RNF111: variants seen among roughly 807,000 people sequenced by gnomAD.
RNF111 encodes the protein E3 ubiquitin-protein ligase Arkadia.
A neutral mutation model predicts 95.1 loss-of-function variants in RNF111; 17 were observed. The ratio of observed to expected loss-of-function variants is 0.18; its 90% CI spans 0.12 to 0.27. RNF111 has a LOEUF of 0.27. RNF111 is among the 10% of genes least tolerant of loss of function. The pLI, the probability that RNF111 is intolerant of heterozygous loss-of-function variation, is 1.00. For synonymous variants in RNF111, 440 were observed against 414.8 expected, an observed-to-expected ratio of 1.06 and a Z score of -0.74; for missense variants, 1,189 against 1,210.4, an observed-to-expected ratio of 0.98 and a Z score of 0.26.
At chr15:59,085,608 G>T (rs371626097) in intron 9 of RNF111, 51 bp from the exon 10 acceptor site, 22 of 1,526,220 alleles carry the variant, frequency 1.4e-5, no homozygotes, top group African/African-American at 7.0e-5. Flanking sequence ...CATGTCTGTT[G>T]ATAAAAAAGA....
chr15:58,995,575 A>G (rs1046730247), intron 1 of RNF111, among the ~76,000 whole-genome samples: 1 of 151,374 alleles, frequency 6.6e-6, no homozygotes, highest in African/African-American at 2.4e-5. Flanking sequence ...TCTCTGCCTC[A>G]GCCTCCCAAA....
At chr15:59,040,694 G>A (rs1415130298) in intron 2 of RNF111, among the ~76,000 whole-genome samples, 1 of 151,958 alleles carries the variant, frequency 6.6e-6, no homozygotes, top group African/African-American at 2.4e-5. Context: ...ACTTTTAATG[G>A]CAAAACCACC....
chr15:59,064,924 C>G (rs1470186403), intron 5 of RNF111, among the ~76,000 whole-genome samples: 1 of 151,974 alleles, frequency 6.6e-6, no homozygotes, highest in Non-Finnish European at 1.5e-5. Flanking sequence ...TGAAGCACCC[C>G]CCTACCCAGG....
rs1264894085 is a variant in RNF111, at chr15:59,089,524, G to T, written c.2551-143G>T. 5 of 644,044 alleles carry T rather than the reference G, an allele frequency of 7.8e-6. No homozygotes were observed. In the East Asian group the frequency reaches 1.3e-4, roughly 17 times the overall value. 39.9% of individuals were successfully genotyped at this position (644,044 alleles called of 1,614,324 possible). On this transcript the variant is annotated intron_variant, in intron 10 of 13. Coordinates refer to ENST00000348370, the MANE Select transcript of RNF111 (RefSeq NM_017610.8). The stretch of plus-strand genomic sequence containing the variant: ...ACCTAAACCTGTTACAGAATGCTTA[G>T]TTGGAGTTATGTATTCTTATTGAAG...
chr15:59,055,791 C>A lies in RNF111; in HGVS notation c.1117C>A (p.Gln373Lys), dbSNP rs1020200905. The change falls in exon 4 of 14, where the codon CAG (glutamine) becomes AAG (lysine). Residue 373 changes from glutamine (Q) to lysine (K), a missense_variant. Coordinates refer to ENST00000348370, the MANE Select transcript of RNF111 (RefSeq NM_017610.8). Reference sequence around the variant, plus strand: ...CCGCAGTAGGATTTCTACTGTTATACAGCCCTTGAGGCAGAATGCAGCAGA... The same window carrying A: ...CCGCAGTAGGATTTCTACTGTTATAAAGCCCTTGAGGCAGAATGCAGCAGA... The part of the protein sequence containing the change: ...RNRSRISTVI[Q>K]PLRQNAAEVV... 1 of 1,614,014 alleles carries A rather than the reference C, an allele frequency of 6.2e-7. No homozygotes were observed. Among genetic ancestry groups the A allele is most frequent in the East Asian group, 2.2e-5 (1 of 44,862 alleles).
chr15:59,075,443 A>C (rs2043124395), intron 6 of RNF111, among the ~76,000 whole-genome samples: 1 of 152,312 alleles, frequency 6.6e-6, no homozygotes, highest in East Asian at 1.9e-4. Context: ...ATTTTGAATA[A>C]TGTAGATTTG....
At chr15:59,071,062 C>G (rs975817385) in intron 6 of RNF111, among the ~76,000 whole-genome samples, 30 of 152,236 alleles carry the variant, frequency 2.0e-4, no homozygotes, top group Admixed American at 1.6e-3. Context: ...CTTTGGGAGG[C>G]TGAGGCAGGC....
intron 1 of RNF111, among the ~76,000 whole-genome samples, chr15:59,015,939 C>T (rs1026414694): frequency 3.8e-4 from 58 of 152,018 alleles, no homozygotes; most frequent in African/African-American, 1.4e-3. Flanking sequence ...GCAACCTCTG[C>T]CCCTGGGCTC....
At chr15:59,092,666 T>G in intron 13 of RNF111, 26 bp downstream of exon 13, 1 of 1,583,254 alleles carries the variant, frequency 6.3e-7, no homozygotes, top group Non-Finnish European at 8.6e-7. Flanking sequence ...TTATCTAAAA[T>G]CCATTGTCAA....
At chr15:59,070,029 C>CCCCTTTT (rs2042842652) in intron 6 of RNF111, among the ~76,000 whole-genome samples, 5 of 22,676 alleles carry the variant, frequency 2.2e-4, no homozygotes, top group African/African-American at 7.0e-4. Flanking sequence ...CCACCTCCTG[C>CCCCTTTT]TTTTTTTTTT....
chr15:59,060,233 A>C (rs1332791901), intron 5 of RNF111, among the ~76,000 whole-genome samples: 1 of 151,980 alleles, frequency 6.6e-6, no homozygotes, highest in Admixed American at 6.6e-5. Context: ...CTTTTATTTC[A>C]TTTGTTGAGT....
At chr15:59,004,593 G>A (rs1262022148) in intron 1 of RNF111, among the ~76,000 whole-genome samples, 2 of 152,098 alleles carry the variant, frequency 1.3e-5, no homozygotes, top group African/African-American at 4.8e-5. Context: ...TTCTAGAGTT[G>A]TTTAATATCT....
intron 2 of RNF111, among the ~76,000 whole-genome samples, chr15:59,046,810 C>T (rs1320012473): frequency 6.6e-6 from 1 of 152,072 alleles, no homozygotes; most frequent in Admixed American, 6.6e-5. Flanking sequence ...AAAATATTTG[C>T]AAATAGTATA....
At chr15:59,069,189 G>A (rs1052669983) in intron 6 of RNF111, among the ~76,000 whole-genome samples, 2 of 151,968 alleles carry the variant, frequency 1.3e-5, no homozygotes, top group African/African-American at 2.4e-5. Context: ...ATGTCATTTC[G>A]GTTTTGGTAA....
In RNF111 at chr15:59,081,247, A is replaced by G. The variant is rs376586350; in HGVS notation, c.2260A>G (p.Met754Val). 73 of 1,614,044 alleles carry G rather than the reference A, an allele frequency of 4.5e-5. 1 individual carries two copies. The highest frequency in any genetic ancestry group is 1.6e-4 in the Middle Eastern group (1 of 6,084). The change falls in exon 8 of 14, where the codon ATG (methionine) becomes GTG (valine). Residue 754 changes from methionine to valine, a missense_variant. Around this residue, in one of 2 missense-constraint regions of RNF111, gnomAD observed 1,024 missense variants for 925.9 expected, o/e 1.11. Transcript: ENST00000348370. ...GCATCCTCATGAAGTGATGCAGAGG[A>G]TGGAAGTTCAAAGGAGGAGGATGAT... ...RLHPHEVMQR[M>V]EVQRRRMMQH...
intron 13 of RNF111, among the ~76,000 whole-genome samples, chr15:59,094,303 G>A (rs1260372376): frequency 6.6e-6 from 1 of 152,128 alleles, no homozygotes; most frequent in Non-Finnish European, 1.5e-5. Context: ...ATTTTTTAGT[G>A]AGGAAAGTGT....
chr15:59,054,530 A>C (rs1295519999), intron 3 of RNF111, among the ~76,000 whole-genome samples: 1 of 152,092 alleles, frequency 6.6e-6, no homozygotes, highest in Admixed American at 6.6e-5. Flanking sequence ...TCCTCATACA[A>C]AACCATTTTA....
In RNF111 at chr15:59,067,125, GTC is replaced by G. The variant is rs146735071; in HGVS notation, c.1686+57_1686+58del. 6,667 of 1,407,170 alleles carry G rather than the reference GTC, an allele frequency of 4.7e-3. 2 individuals carry two copies. The highest frequency in any genetic ancestry group is 5.4e-3 in the Non-Finnish European group (5,535 of 1,018,744). 87.2% of individuals were successfully genotyped at this position (1,407,170 alleles called of 1,614,324 possible). On this transcript the variant is annotated intron_variant, in intron 6 of 13. Transcript: ENST00000348370. ...TCAGTCTTTCTTTCCTGCCCCTCTT[GTC>G]TCTCTCTCTCTCTCCTTCTCCCTTT...
intron 1 of RNF111, among the ~76,000 whole-genome samples, chr15:59,002,211 C>T (rs1299072948): frequency 1.3e-5 from 2 of 152,158 alleles, no homozygotes; most frequent in Non-Finnish European, 2.9e-5. Context: ...GGTTAAAACT[C>T]ACCATTCTAT....
Sources: gnomAD v4.1 joint callset for allele counts (sites outside exome capture counted in the v4.1 genomes callset) on GRCh38, gnomAD v4.1.1 for gene constraint, gnomAD v4.1.1 regional missense constraint, MANE v1.5 for transcripts, NCBI Gene and HGNC (gene_info 2026-07-23, HGNC 2026-07-21) for gene names.